SGCD: variants seen among roughly 807,000 people sequenced by gnomAD.
SGCD encodes delta-sarcoglycan.
A neutral mutation model predicts 36.6 loss-of-function variants in SGCD; 18 were observed. The ratio of observed to expected loss-of-function variants is 0.49; its 90% CI spans 0.34 to 0.73. The LOEUF (loss-of-function observed/expected upper bound fraction) is 0.73, where lower values mean the gene tolerates loss of function less well. Among genes scored for constraint, SGCD ranks in the 30% least tolerant of loss-of-function variants. SGCD has a pLI of 0.01. For synonymous variants in SGCD, 133 were observed against 130.6 expected (o/e 1.02, Z -0.12); for missense variants, 387 against 346.7 (o/e 1.12, Z -0.92).
intron 4 of SGCD, among the ~76,000 whole-genome samples, chr5:156,562,882 C>G (rs1449406094): frequency 3.3e-5 from 5 of 151,132 alleles, no homozygotes; most frequent in African/African-American, 1.2e-4. Context: ...ATTTAAAGAC[C>G]TTTAAATTAC....
chr5:156,262,475 A>G (rs1009334584), intron 3 of SGCD, among the ~76,000 whole-genome samples: 15 of 152,128 alleles, frequency 9.9e-5, no homozygotes, highest in African/African-American at 3.4e-4. Flanking sequence ...GCACAATGAC[A>G]AAACCACCTA....
At chr5:155,738,858 AGTGT>A in the SGCD span, among the ~76,000 whole-genome samples, 3 of 138,750 alleles carry the variant, frequency 2.2e-5, no homozygotes, top group Admixed American at 2.2e-4. Flanking sequence ...TGTATATGAG[AGTGT>A]GTGAGTGCGT....
At chr5:156,051,497 T>C (rs2127581232) in intron 1 of SGCD, among the ~76,000 whole-genome samples, 1 of 146,430 alleles carries the variant, frequency 6.8e-6, no homozygotes, top group East Asian at 1.9e-4. Context: ...GTTCCAACTT[T>C]GAATGCTTCC....
chr5:156,516,453 A>C (rs563603463), intron 4 of SGCD, among the ~76,000 whole-genome samples: 63 of 152,344 alleles, frequency 4.1e-4, no homozygotes, highest in African/African-American at 1.4e-3. Flanking sequence ...GACTGTTAAA[A>C]GTGAACAGAA....
Position 156,329,600 on chromosome 5 carries a change from A to C in SGCD, c.3+21A>C, listed in dbSNP as rs760111091. The C allele has an allele frequency of 1.9e-6, 3 of 1,610,748 alleles. No homozygotes were observed. The South Asian group carries it at 3.3e-5, about 18-fold the overall frequency. Reference sequence around the variant, plus strand: ...AGATGGTGAGTAATTCCCGGGAGCGAAGCTTGTTCAAGGCCCTGCTCATGG... The same window carrying C: ...AGATGGTGAGTAATTCCCGGGAGCGCAGCTTGTTCAAGGCCCTGCTCATGG... On this transcript the variant is annotated intron_variant, in intron 2 of 8. Coordinates refer to ENST00000337851, the MANE Select transcript of SGCD (RefSeq NM_000337.6).
At chr5:155,899,251 A>G (rs1756333295) in intron 1 of SGCD, among the ~76,000 whole-genome samples, 1 of 152,248 alleles carries the variant, frequency 6.6e-6, no homozygotes, top group Admixed American at 6.5e-5. Context: ...ATGAAAGAGG[A>G]AAACCATCAC....
chr5:156,657,229 TTC>T (rs1482192895), intron 7 of SGCD, among the ~76,000 whole-genome samples: 5 of 152,040 alleles, frequency 3.3e-5, no homozygotes, highest in Non-Finnish European at 5.9e-5. Context: ...CTTTTTTTTT[TTC>T]CTCTCTCTTT....
the SGCD span, among the ~76,000 whole-genome samples, chr5:155,815,000 GT>G: frequency 6.6e-6 from 1 of 151,926 alleles, no homozygotes; most frequent in South Asian, 2.1e-4. Context: ...CCACTATCTG[GT>G]TTAATAACTT....
chr5:156,600,507 A>G (rs1440313492), intron 6 of SGCD, among the ~76,000 whole-genome samples: 2 of 152,190 alleles, frequency 1.3e-5, no homozygotes, highest in African/African-American at 4.8e-5. Flanking sequence ...TATTCTTTTT[A>G]TGGCTGAACA....
At chr5:156,213,561 TCTC>T (rs1368249867) in intron 3 of SGCD, among the ~76,000 whole-genome samples, 3 of 151,990 alleles carry the variant, frequency 2.0e-5, no homozygotes, top group African/African-American at 7.2e-5. Flanking sequence ...TAATATCTAT[TCTC>T]CTCTACCTCT....
intron 1 of SGCD, among the ~76,000 whole-genome samples, chr5:155,934,430 C>G (rs10515732): frequency 0.11 from 16,409 of 152,188 alleles, 1,082 homozygotes; most frequent in African/African-American, 0.18. Flanking sequence ...CAAATCAATA[C>G]TCAAGCACAT....
At chr5:156,751,603 A>C (rs568269593) in intron 7 of SGCD, among the ~76,000 whole-genome samples, 21 of 152,336 alleles carry the variant, frequency 1.4e-4, no homozygotes, top group African/African-American at 5.1e-4. Context: ...CACAAATCAC[A>C]CAAAAAATAA....
Position 156,726,746 on chromosome 5 carries a change from A to G in SGCD, c.576-30835A>G, listed in dbSNP as rs188045959. ...TCCATCTCATTCTAATTCTCTTACA[A>G]TAACTGCTTTTTGTTATATTTCAAT... On this transcript the variant is annotated intron_variant, in intron 7 of 8. Coordinates refer to ENST00000337851, the MANE Select transcript of SGCD (RefSeq NM_000337.6). Among the ~76,000 whole-genome samples, 1,115 of 152,264 alleles carry G rather than the reference A, an allele frequency of 7.3e-3. 5 individuals carry two copies. The highest frequency in any genetic ancestry group is 0.012 in the Non-Finnish European group (841 of 68,022).
At chr5:155,888,628 GA>G in intron 1 of SGCD, among the ~76,000 whole-genome samples, 1 of 152,146 alleles carries the variant, frequency 6.6e-6, no homozygotes, top group East Asian at 1.9e-4. Flanking sequence ...TAAACTGGGG[GA>G]GGGGGAGGAC....
intron 1 of SGCD, among the ~76,000 whole-genome samples, chr5:155,918,436 A>C (rs1181116253): frequency 6.6e-6 from 1 of 152,114 alleles, no homozygotes; most frequent in Admixed American, 6.6e-5. Context: ...GGTGCTGGGC[A>C]TCTGTAATCC....
intron 1 of SGCD, among the ~76,000 whole-genome samples, chr5:156,074,399 G>GA (rs200263137): frequency 5.3e-5 from 8 of 151,114 alleles, no homozygotes; most frequent in Non-Finnish European, 7.4e-5. Context: ...ATATAATTCT[G>GA]AAAAAAAAAT....
intron 3 of SGCD, among the ~76,000 whole-genome samples, chr5:156,242,846 G>A (rs920117205): frequency 3.9e-5 from 6 of 152,116 alleles, no homozygotes; most frequent in Non-Finnish European, 5.9e-5. Flanking sequence ...CTCAGGTGGC[G>A]GTGATTCTGC....
intron 3 of SGCD, among the ~76,000 whole-genome samples, chr5:156,194,475 C>A (rs1396263083): frequency 6.6e-6 from 1 of 151,948 alleles, no homozygotes; most frequent in Non-Finnish European, 1.5e-5. Context: ...TGAGAAATTA[C>A]CAGGCATGTT....
chr5:156,660,421 C>T (rs1425314723), intron 7 of SGCD, among the ~76,000 whole-genome samples: 1 of 152,308 alleles, frequency 6.6e-6, no homozygotes, highest in Non-Finnish European at 1.5e-5. Context: ...TTCTTTGCAT[C>T]TCCGATGGGT....
Sources: allele counts gnomAD v4.1 joint callset (sites outside exome capture counted in the v4.1 genomes callset), GRCh38; gene constraint gnomAD v4.1.1; transcripts MANE v1.5; gene names NCBI Gene and HGNC (gene_info 2026-07-23, HGNC 2026-07-21).